Variants in CDH12 observed in about 807,000 individuals in gnomAD.
The protein encoded by CDH12 is cadherin-12.
Under a neutral mutation model 74.1 loss-of-function variants are expected in CDH12, and 41 were observed. The ratio of observed to expected loss-of-function variants is 0.55; its 90% confidence interval spans 0.43 to 0.72. The LOEUF (loss-of-function observed/expected upper bound fraction) is 0.72, where lower values mean the gene tolerates loss of function less well. CDH12 is among the 30% of genes least tolerant of loss of function. The pLI is 0.00. For missense variants in CDH12, 945 were observed against 977.2 expected, an observed-to-expected ratio of 0.97 and a Z score of 0.44; for synonymous variants, 399 against 355.0, an observed-to-expected ratio of 1.12 and a Z score of -1.39.
chr5:21,866,410 G>A (rs1251535163), intron 6 of CDH12, among the ~76,000 whole-genome samples: 1 of 152,204 alleles, frequency 6.6e-6, no homozygotes, highest in African/African-American at 2.4e-5. Flanking sequence ...CACTGTTAAT[G>A]ATATGGACAA....
chr5:21,803,775 T>C (rs563106837), intron 9 of CDH12, among the ~76,000 whole-genome samples: 2 of 152,134 alleles, frequency 1.3e-5, no homozygotes, highest in Non-Finnish European at 2.9e-5. Flanking sequence ...AAGTTGCTAA[T>C]TGCTGTGTCA....
At position 22,082,100 on chromosome 5, in the gene CDH12, A is replaced by C. The variant is rs114943436; in HGVS notation, c.-186-3238T>G. Among the ~76,000 whole-genome samples, 1,217 of 152,266 alleles carry C rather than the reference A, an allele frequency of 8.0e-3. 8 individuals carry two copies. Among genetic ancestry groups the C allele is most frequent in the African/African-American group, 0.028 (1,173 of 41,558 alleles). ...CAAATTTTATACTTTTTCCATCTTA[A>C]CTAAGCCCATATCATGGGACTGTAA... On this transcript the variant is annotated intron_variant, in intron 4 of 14. Transcript: ENST00000382254.
chr5:22,403,153 T>C (rs1472150931), intron 3 of CDH12, among the ~76,000 whole-genome samples: 1 of 152,090 alleles, frequency 6.6e-6, no homozygotes, highest in Admixed American at 6.6e-5. Context: ...ACCCTACTGG[T>C]AAGTAGATTT....
intron 2 of CDH12, among the ~76,000 whole-genome samples, chr5:22,407,448 A>G (rs1390429731): frequency 6.6e-6 from 1 of 152,114 alleles, no homozygotes; most frequent in Non-Finnish European, 1.5e-5. Context: ...CCATTACGAT[A>G]TCCTGTTTAA....
chr5:22,347,785 T>C (rs1580548561), intron 3 of CDH12, among the ~76,000 whole-genome samples: 1 of 152,194 alleles, frequency 6.6e-6, no homozygotes, highest in East Asian at 1.9e-4. Context: ...GTAGTGCCAG[T>C]AGTATTACTG....
At chr5:22,734,540 G>C (rs1306328855) in intron 1 of CDH12, among the ~76,000 whole-genome samples, 3 of 151,756 alleles carry the variant, frequency 2.0e-5, no homozygotes, top group Non-Finnish European at 4.4e-5. Flanking sequence ...TTTAGGGAAG[G>C]GCTATAGTTC....
rs1217920243 is a variant in CDH12 at position 21,851,473 on chromosome 5, AAAT to A, written c.646+3195_646+3197del. 1.0e-4 allele frequency among the ~76,000 whole-genome samples: 15 copies of A among 150,540 alleles called. No homozygotes were observed. The South Asian group carries it at 2.9e-3, about 29-fold the overall frequency. ...ATTAAGTGAAATAATTTATATAATAAAATAATACAATATGTTAATATAAAACAT... is the reference window on the plus strand; with the variant it reads ...ATTAAGTGAAATAATTTATATAATAAAATACAATATGTTAATATAAAACAT... On this transcript the variant is annotated intron_variant, in intron 7 of 14. Transcript: ENST00000382254.
chr5:22,694,012 T>A (rs569442107), intron 1 of CDH12, among the ~76,000 whole-genome samples: 145 of 152,152 alleles, frequency 9.5e-4, no homozygotes, highest in African/African-American at 3.4e-3. Context: ...TGTTCATAGC[T>A]CATTGCAGCC....
chr5:22,356,485 T>C lies in CDH12; in HGVS notation c.-333+48772A>G, dbSNP rs569221274. On this transcript the variant is annotated intron_variant, in intron 3 of 14. Transcript: ENST00000382254. ...AAATACAATATGCTTAATCCTCCTA[T>C]CTCATGTTCTGGAGTACTTCAGGTG... is the stretch of plus-strand genomic sequence containing the variant. Among the ~76,000 whole-genome samples the C allele has an allele frequency of 2.2e-4, 33 of 152,284 alleles. No homozygotes were observed. In the East Asian group the frequency reaches 6.4e-3, roughly 29 times the overall value.
intron 4 of CDH12, among the ~76,000 whole-genome samples, chr5:22,119,359 C>A (rs1396265286): frequency 6.9e-6 from 1 of 145,744 alleles, no homozygotes; most frequent in East Asian, 2.1e-4. Flanking sequence ...GGCCTGATCT[C>A]GGCTTACTGC....
chr5:22,835,655 A>G (rs1736788284), intron 1 of CDH12, among the ~76,000 whole-genome samples: 2 of 152,120 alleles, frequency 1.3e-5, no homozygotes, highest in South Asian at 4.2e-4. Flanking sequence ...AGGGAATTGT[A>G]TTTTCACTCA....
intron 3 of CDH12, among the ~76,000 whole-genome samples, chr5:22,401,013 AT>A (rs1742707396): frequency 6.6e-6 from 1 of 152,144 alleles, no homozygotes; most frequent in Admixed American, 6.5e-5. Context: ...ACATTTGAAT[AT>A]TTCCATATAA....
At chr5:22,474,056 T>C (rs1363417383) in intron 2 of CDH12, among the ~76,000 whole-genome samples, 1 of 151,968 alleles carries the variant, frequency 6.6e-6, no homozygotes, top group Non-Finnish European at 1.5e-5. Flanking sequence ...TAACACAGAG[T>C]ATTGCCAGAG....
intron 5 of CDH12, among the ~76,000 whole-genome samples, chr5:22,046,458 G>A (rs1210369237): frequency 1.6e-5 from 2 of 124,746 alleles, no homozygotes; most frequent in Admixed American, 1.5e-4. Context: ...TTTTTGAGAC[G>A]GAGTCTCGCT....
chr5:22,020,155 C>T (rs1243692429), intron 5 of CDH12, among the ~76,000 whole-genome samples: 1 of 152,124 alleles, frequency 6.6e-6, no homozygotes. Context: ...GGAATAATGA[C>T]TGCAAGACAG....
At position 22,545,905 on chromosome 5, in the gene CDH12, G is replaced by T. The variant is rs1375340489; in HGVS notation, c.-522-40541C>A. On this transcript the variant is annotated intron_variant, in intron 1 of 14. Coordinates refer to ENST00000382254, the MANE Select transcript of CDH12 (RefSeq NM_004061.5). ...AAGTATGTTTGAGTTATACAGTAAT[G>T]TCACTTAAACTGTCTAGATTTTTGT... Among the ~76,000 whole-genome samples, 4 of 152,070 alleles carry T rather than the reference G, an allele frequency of 2.6e-5. No individual in the cohort carries two copies. In the East Asian group the frequency reaches 7.8e-4, roughly 30 times the overall value.
chr5:22,492,792 C>T (rs1164255390), intron 2 of CDH12, among the ~76,000 whole-genome samples: 3 of 152,108 alleles, frequency 2.0e-5, no homozygotes, highest in African/African-American at 7.2e-5. Flanking sequence ...TCCCACACAC[C>T]TGTGTGGGAA....
Position 22,736,132 on chromosome 5 carries a change from T to C in CDH12, c.-523+116926A>G, listed in dbSNP as rs910218500. ...AAAGTTTTAGTCCAAATCATCGTTA[T>C]AGAGATTTAAAATGTCATTTTGTAT... is the stretch of plus-strand genomic sequence containing the variant. On this transcript the variant is annotated intron_variant, in intron 1 of 14. Coordinates refer to ENST00000382254, the MANE Select transcript of CDH12 (RefSeq NM_004061.5). Among the ~76,000 whole-genome samples the C allele has an allele frequency of 2.6e-5, 4 of 151,882 alleles. 1 individual carries two copies. Among genetic ancestry groups the C allele is most frequent in the South Asian group, 4.1e-4 (2 of 4,830 alleles).
intron 3 of CDH12, among the ~76,000 whole-genome samples, chr5:22,307,032 T>C (rs1738144683): frequency 6.6e-6 from 1 of 152,200 alleles, no homozygotes; most frequent in African/African-American, 2.4e-5. Context: ...TTAGAGTGGA[T>C]CTAGCATCCC....
Sources: gnomAD v4.1 joint callset for allele counts (sites outside exome capture counted in the v4.1 genomes callset) on GRCh38, gnomAD v4.1.1 for gene constraint, MANE v1.5 for transcripts, NCBI Gene and HGNC (gene_info 2026-07-23, HGNC 2026-07-21) for gene names.